The following KCNB2 variants were observed in gnomAD, a reference collection of about 807,000 sequenced individuals.
The protein encoded by KCNB2 is delayed rectifier potassium channel protein.
Under a neutral mutation model 61.5 loss-of-function variants are expected in KCNB2, and 15 were observed. That is an observed-to-expected ratio of 0.24 (90% CI 0.16 to 0.38). The LOEUF (loss-of-function observed/expected upper bound fraction) is 0.38, where lower values mean the gene tolerates loss of function less well. Among genes scored for constraint, KCNB2 ranks in the 10% least tolerant of loss-of-function variants. The pLI is 1.00. For synonymous variants in KCNB2, 457 were observed against 446.0 expected, an observed-to-expected ratio of 1.02 and a Z score of -0.31; for missense variants, 828 against 1,125.2, an observed-to-expected ratio of 0.74 and a Z score of 3.78.
intron 1 of KCNB2, among the ~76,000 whole-genome samples, chr8:72,562,549 G>A (rs2128978464): frequency 6.6e-6 from 1 of 152,284 alleles, no homozygotes; most frequent in East Asian, 1.9e-4. Context: ...ATTGAATGAG[G>A]TGAAATAAAT....
At chr8:72,648,965 G>A (rs1265501544) in intron 2 of KCNB2, among the ~76,000 whole-genome samples, 1 of 151,296 alleles carries the variant, frequency 6.6e-6, no homozygotes, top group Non-Finnish European at 1.5e-5. Context: ...CATTGTGCAA[G>A]TTTTTTTATT....
At chr8:72,889,718 C>T (rs1314688224) in intron 2 of KCNB2, among the ~76,000 whole-genome samples, 1 of 151,996 alleles carries the variant, frequency 6.6e-6, no homozygotes, top group African/African-American at 2.4e-5. Flanking sequence ...CTTGAACAAT[C>T]AATAAAATGG....
chr8:72,640,890 A>G (rs1806044779), intron 2 of KCNB2, among the ~76,000 whole-genome samples: 1 of 152,158 alleles, frequency 6.6e-6, no homozygotes, highest in African/African-American at 2.4e-5. Flanking sequence ...CAGTCTTACG[A>G]AAATGGTATA....
intron 2 of KCNB2, among the ~76,000 whole-genome samples, chr8:72,782,109 TTAAAA>T (rs1428379725): frequency 6.6e-6 from 1 of 152,076 alleles, no homozygotes; most frequent in African/African-American, 2.4e-5. Flanking sequence ...ATCCTGGAAC[TTAAAA>T]TAAAATTAAA....
chr8:72,765,849 A>G lies in KCNB2; in HGVS notation c.580-170086A>G, dbSNP rs1434229233. Among the ~76,000 whole-genome samples the G allele has an allele frequency of 3.3e-5, 5 of 152,314 alleles. No individual in the cohort carries two copies. In the East Asian group the frequency reaches 9.6e-4, roughly 29 times the overall value. On this transcript the variant is annotated intron_variant, in intron 2 of 2. Coordinates refer to ENST00000523207, the MANE Select transcript of KCNB2 (RefSeq NM_004770.3). ...TGGGGCCCAAATATTTAAATTTTTA[A>G]CGCATTACAAAGTGATGTTGATTGC... is the stretch of plus-strand genomic sequence containing the variant.
At chr8:72,816,323 TTTA>T (rs987634215) in intron 2 of KCNB2, among the ~76,000 whole-genome samples, 4 of 152,182 alleles carry the variant, frequency 2.6e-5, no homozygotes, top group Non-Finnish European at 5.9e-5. Context: ...TCAGCCAGGT[TTTA>T]TTTTAACAAC....
At chr8:72,782,735 G>A (rs1380332177) in intron 2 of KCNB2, among the ~76,000 whole-genome samples, 2 of 151,908 alleles carry the variant, frequency 1.3e-5, no homozygotes, top group Non-Finnish European at 2.9e-5. Context: ...TATTTGTCTC[G>A]CTGGCTGTGA....
intron 2 of KCNB2, among the ~76,000 whole-genome samples, chr8:72,760,344 G>A (rs1808357343): frequency 6.6e-6 from 1 of 152,190 alleles, no homozygotes; most frequent in African/African-American, 2.4e-5. Flanking sequence ...GCACATAAGA[G>A]TGTCTTAATA....
chr8:72,717,564 AG>A (rs1474799874), intron 2 of KCNB2, among the ~76,000 whole-genome samples: 1 of 152,212 alleles, frequency 6.6e-6, no homozygotes, highest in Non-Finnish European at 1.5e-5. Flanking sequence ...CAATGGGGAA[AG>A]GATTCCCTAT....
intron 2 of KCNB2, among the ~76,000 whole-genome samples, chr8:72,637,828 G>A (rs2128985456): frequency 6.6e-6 from 1 of 152,250 alleles, no homozygotes; most frequent in South Asian, 2.1e-4. Context: ...GTGACACAGA[G>A]TAGGTGCTGA....
intron 2 of KCNB2, among the ~76,000 whole-genome samples, chr8:72,732,873 A>C (rs1244387734): frequency 6.6e-6 from 1 of 152,162 alleles, no homozygotes; most frequent in Admixed American, 6.6e-5. Flanking sequence ...ATCATCCTGC[A>C]CTATCACTTA....
intron 2 of KCNB2, among the ~76,000 whole-genome samples, chr8:72,786,712 A>AT: frequency 6.6e-6 from 1 of 152,194 alleles, no homozygotes; most frequent in Admixed American, 6.5e-5. Flanking sequence ...GAACTTGAGG[A>AT]TATCTTCTGA....
At chr8:72,725,080 A>C (rs893710297) in intron 2 of KCNB2, among the ~76,000 whole-genome samples, 4 of 152,182 alleles carry the variant, frequency 2.6e-5, no homozygotes, top group African/African-American at 9.7e-5. Flanking sequence ...CCATTTAAAA[A>C]AATATGTTTA....
intron 2 of KCNB2, among the ~76,000 whole-genome samples, chr8:72,611,580 G>T (rs1805540117): frequency 6.6e-6 from 1 of 152,172 alleles, no homozygotes; most frequent in Admixed American, 6.6e-5. Flanking sequence ...GACTGCCCAT[G>T]ATCTTTTTAG....
chr8:72,630,848 A>G (rs1359534046), intron 2 of KCNB2, among the ~76,000 whole-genome samples: 1 of 152,180 alleles, frequency 6.6e-6, no homozygotes, highest in Admixed American at 6.5e-5. Flanking sequence ...ACACCCCTTG[A>G]TAAACCTAAC....
intron 2 of KCNB2, among the ~76,000 whole-genome samples, chr8:72,869,623 G>A (rs899730261): frequency 2.0e-5 from 3 of 152,122 alleles, no homozygotes; most frequent in Non-Finnish European, 1.5e-5. Flanking sequence ...TAATCATCAG[G>A]GAAATGCAAA....
At chr8:72,830,442 C>G (rs1008544431) in intron 2 of KCNB2, among the ~76,000 whole-genome samples, 4 of 152,074 alleles carry the variant, frequency 2.6e-5, no homozygotes, top group African/African-American at 9.7e-5. Context: ...AAAGAAGGAA[C>G]CCTTGGACAT....
chr8:72,760,042 A>T (rs1001419527), intron 2 of KCNB2, among the ~76,000 whole-genome samples: 4 of 152,174 alleles, frequency 2.6e-5, no homozygotes, highest in African/African-American at 9.7e-5. Context: ...GTCAACCGAG[A>T]TGCATGCTTT....
intron 2 of KCNB2, among the ~76,000 whole-genome samples, chr8:72,678,746 A>G (rs1016377528): frequency 6.6e-6 from 1 of 152,234 alleles, no homozygotes; most frequent in Non-Finnish European, 1.5e-5. Context: ...ATCCTGGCAC[A>G]TAAGTATGTG....
Sources: allele counts gnomAD v4.1 joint callset (sites outside exome capture counted in the v4.1 genomes callset), GRCh38; gene constraint gnomAD v4.1.1; transcripts MANE v1.5; gene names NCBI Gene and HGNC (gene_info 2026-07-23, HGNC 2026-07-21).